Variants in CNTNAP5 observed in about 807,000 individuals in gnomAD.
CNTNAP5 encodes contactin-associated protein-like 5.
CNTNAP5 carries 72 observed loss-of-function variants against 150.2 expected under a neutral mutation model. The ratio of observed to expected loss-of-function variants is 0.48; its 90% CI spans 0.40 to 0.58. The LOEUF is 0.58. Ranked by LOEUF, CNTNAP5 falls within the 20% of genes least tolerant of loss-of-function variation. The probability of loss-of-function intolerance (pLI) is 0.00; values close to 1 mark genes in which losing one functional copy is unlikely to be tolerated. For missense variants in CNTNAP5, 1,636 were observed against 1,626.2 expected, an observed-to-expected ratio of 1.01 and a Z score of -0.10; for synonymous variants, 672 against 619.8, an observed-to-expected ratio of 1.08 and a Z score of -1.25.
intron 10 of CNTNAP5, among the ~76,000 whole-genome samples, chr2:124,552,854 T>C (rs1695658365): frequency 6.6e-6 from 1 of 152,204 alleles, no homozygotes; most frequent in Non-Finnish European, 1.5e-5. Context: ...TTCCAATCTC[T>C]TTACGTACAG....
rs997368896 is a variant in CNTNAP5 at position 124,265,336 on chromosome 2, T to A, written c.381+22943T>A. Among the ~76,000 whole-genome samples, 3 of 152,092 alleles carry A rather than the reference T, an allele frequency of 2.0e-5. No individual in the cohort carries two copies. In the East Asian group the frequency reaches 5.8e-4, roughly 29 times the overall value. On this transcript the variant is annotated intron_variant, in intron 3 of 23. Coordinates refer to ENST00000682447, the MANE Select transcript of CNTNAP5 (RefSeq NM_001367498.1). ...CCTTCTGCCGCCATTAAGGTCCAAA[T>A]GGGCGGCAGGGCACCTCTGCACACT...
chr2:124,283,896 A>G (rs990763919), intron 3 of CNTNAP5, among the ~76,000 whole-genome samples: 1 of 152,166 alleles, frequency 6.6e-6, no homozygotes, highest in Non-Finnish European at 1.5e-5. Flanking sequence ...AACTAGTCAC[A>G]TTCCAAATTG....
intron 13 of CNTNAP5, among the ~76,000 whole-genome samples, chr2:124,668,741 G>A (rs1443246391): frequency 2.6e-5 from 4 of 152,174 alleles, no homozygotes; most frequent in Non-Finnish European, 5.9e-5. Context: ...TAAGAGAGTA[G>A]TGTAAGTTAA....
chr2:124,418,045 C>T (rs1691971098), intron 4 of CNTNAP5, among the ~76,000 whole-genome samples: 4 of 152,126 alleles, frequency 2.6e-5, no homozygotes, highest in Admixed American at 1.3e-4. Context: ...GAAATGATCT[C>T]CTTCATTCAT....
At chr2:124,491,793 G>A (rs1694035589) in intron 7 of CNTNAP5, among the ~76,000 whole-genome samples, 1 of 151,534 alleles carries the variant, frequency 6.6e-6, no homozygotes, top group Non-Finnish European at 1.5e-5. Flanking sequence ...ACCCTAACAG[G>A]TATGAGATGG....
At chr2:124,138,364 C>T (rs534369218) in intron 1 of CNTNAP5, among the ~76,000 whole-genome samples, 18 of 152,322 alleles carry the variant, frequency 1.2e-4, no homozygotes, top group African/African-American at 4.1e-4. Context: ...TATCAATATC[C>T]TGTTTTCATT....
intron 7 of CNTNAP5, 49 bp downstream of exon 7, chr2:124,474,931 T>G: frequency 6.5e-7 from 1 of 1,532,648 alleles, no homozygotes; most frequent in South Asian, 1.2e-5. Context: ...CACTTTGGGG[T>G]AAGTCTTGCT....
In CNTNAP5 at chr2:124,592,801, G is replaced by T. The variant is rs568123346; in HGVS notation, c.1757-17000G>T. On this transcript the variant is annotated intron_variant, in intron 11 of 23. Transcript: ENST00000682447. ...ATATCATCAGCATATATTCCTATAG[G>T]TTGCTACCTATTGTGTCTTTATTTT... Among the ~76,000 whole-genome samples, 4 of 151,676 alleles carry T rather than the reference G, an allele frequency of 2.6e-5. No homozygotes were observed. In the South Asian group the frequency reaches 8.3e-4, roughly 32 times the overall value.
At chr2:124,204,404 C>CTTCT (rs1469046219) in intron 1 of CNTNAP5, among the ~76,000 whole-genome samples, 1 of 152,190 alleles carries the variant, frequency 6.6e-6, no homozygotes, top group East Asian at 1.9e-4. Flanking sequence ...TTCCTATCTT[C>CTTCT]TTCTGAGCCC....
intron 11 of CNTNAP5, among the ~76,000 whole-genome samples, chr2:124,578,204 C>G (rs950074243): frequency 6.7e-6 from 1 of 150,102 alleles, no homozygotes; most frequent in Non-Finnish European, 1.5e-5. Flanking sequence ...GTGGCAGGCA[C>G]CTGTAATCCC....
intron 1 of CNTNAP5, among the ~76,000 whole-genome samples, chr2:124,124,006 C>T (rs1021971123): frequency 2.6e-5 from 4 of 152,134 alleles, no homozygotes; most frequent in Admixed American, 6.5e-5. Flanking sequence ...CTCTCCTCCT[C>T]CAAAGTAATG....
At chr2:124,553,762 A>G (rs1695686693) in intron 10 of CNTNAP5, among the ~76,000 whole-genome samples, 1 of 152,224 alleles carries the variant, frequency 6.6e-6, no homozygotes. Flanking sequence ...AAAGGCAACC[A>G]TTGTGGAGAC....
chr2:124,158,253 G>A (rs1684591201), intron 1 of CNTNAP5, among the ~76,000 whole-genome samples: 1 of 152,154 alleles, frequency 6.6e-6, no homozygotes, highest in Non-Finnish European at 1.5e-5. Context: ...AGGAGTTGAT[G>A]AGATAATGTA....
chr2:124,164,994 G>T (rs1684778021), intron 1 of CNTNAP5, among the ~76,000 whole-genome samples: 1 of 152,154 alleles, frequency 6.6e-6, no homozygotes, highest in South Asian at 2.1e-4. Context: ...AAGCCCTGGA[G>T]CCAGCCAGAG....
chr2:124,727,498 A>C (rs1234057383), intron 13 of CNTNAP5, among the ~76,000 whole-genome samples: 1 of 151,934 alleles, frequency 6.6e-6, no homozygotes, highest in South Asian at 2.1e-4. Flanking sequence ...TCGTTTATCA[A>C]TGTTTTATAG....
intron 7 of CNTNAP5, among the ~76,000 whole-genome samples, chr2:124,503,260 T>G (rs1694317662): frequency 6.6e-6 from 1 of 152,220 alleles, no homozygotes; most frequent in Middle Eastern, 3.2e-3. Context: ...TTTTCAAGAA[T>G]ACAAGACTGT....
intron 3 of CNTNAP5, among the ~76,000 whole-genome samples, chr2:124,384,958 C>T (rs1690891960): frequency 6.6e-6 from 1 of 152,110 alleles, no homozygotes; most frequent in African/African-American, 2.4e-5. Flanking sequence ...ACAGAGATGC[C>T]ATATGGACTC....
At chr2:124,164,678 G>T (rs908319836) in intron 1 of CNTNAP5, among the ~76,000 whole-genome samples, 2 of 152,168 alleles carry the variant, frequency 1.3e-5, no homozygotes, top group Non-Finnish European at 2.9e-5. Flanking sequence ...AAGGCAGAAA[G>T]GGAGAAGAGA....
chr2:124,591,696 A>G (rs565317296), intron 11 of CNTNAP5, among the ~76,000 whole-genome samples: 1 of 152,294 alleles, frequency 6.6e-6, no homozygotes, highest in Admixed American at 6.5e-5. Flanking sequence ...CTCATATTTT[A>G]AAGCTTACCT....
Sources: gnomAD v4.1 joint callset for allele counts (sites outside exome capture counted in the v4.1 genomes callset) on GRCh38, gnomAD v4.1.1 for gene constraint, MANE v1.5 for transcripts, NCBI Gene and HGNC (gene_info 2026-07-23, HGNC 2026-07-21) for gene names.